The following PCDHA4 variants were observed in gnomAD, a reference collection of about 807,000 sequenced individuals.
PCDHA4 encodes protocadherin alpha 4.
A neutral mutation model predicts 61.4 loss-of-function variants in PCDHA4; 49 were observed. The observed-to-expected ratio is 0.80, with a 90% CI of 0.63 to 1.01. The LOEUF (loss-of-function observed/expected upper bound fraction) is 1.01, where lower values mean the gene tolerates loss of function less well. Among genes scored for constraint, PCDHA4 ranks in the 50% least tolerant of loss-of-function variants. PCDHA4 has a pLI of 0.00. For missense variants in PCDHA4, 1,254 were observed against 1,235.8 expected (o/e 1.01, Z -0.22); for synonymous variants, 590 against 550.3 (o/e 1.07, Z -1.01).
Position 140,855,272 on chromosome 5 carries a change from A to G in PCDHA4, c.2385+45700A>G, listed in dbSNP as rs527268244. Among the ~76,000 whole-genome samples the G allele has an allele frequency of 6.0e-5, 9 of 149,830 alleles. 1 individual carries two copies. In the South Asian group the frequency reaches 1.7e-3, roughly 28 times the overall value. ...CACTTACTATATTATAATTCACTCA[A>G]CCACCGTATTACTATTAGGCCAAAG... On this transcript the variant is annotated intron_variant, in intron 1 of 3. Transcript: ENST00000530339.
intron 1 of PCDHA4, chr5:140,929,499 C>T: frequency 1.0e-6 from 1 of 980,264 alleles, no homozygotes; most frequent in Non-Finnish European, 1.4e-6. Context: ...GAAGATTGCC[C>T]TAGGCCTCAA....
At chr5:140,993,830 A>G (rs536970854) in intron 3 of PCDHA4, among the ~76,000 whole-genome samples, 44 of 152,326 alleles carry the variant, frequency 2.9e-4, no homozygotes, top group Non-Finnish European at 5.0e-4. Context: ...GCTATACCAT[A>G]TAGCCTAGGT....
chr5:140,879,123 G>C (rs895703047), intron 1 of PCDHA4, among the ~76,000 whole-genome samples: 18 of 152,310 alleles, frequency 1.2e-4, no homozygotes, highest in South Asian at 4.1e-4. Context: ...AAGGATTAGA[G>C]CAGGGGAGAT....
At position 140,877,378 on chromosome 5, in the gene PCDHA4, A is replaced by G; in HGVS notation, c.2385+67806A>G. 2 of 1,613,974 alleles carry G rather than the reference A, an allele frequency of 1.2e-6. No individual in the cohort carries two copies. Among genetic ancestry groups the G allele is most frequent in the South Asian group, 1.1e-5 (1 of 91,086 alleles). On this transcript the variant is annotated intron_variant, in intron 1 of 3. Transcript: ENST00000530339. ...CACTGGCGAGATCAGCACGACACGC[A>G]TCCTGGATGAGGCGGACGCTCCGCG...
intron 1 of PCDHA4, among the ~76,000 whole-genome samples, chr5:140,895,039 C>T (rs1274502441): frequency 6.6e-6 from 1 of 152,060 alleles, no homozygotes. Context: ...GTCCCCCACC[C>T]ACACCATTCT....
chr5:140,849,954 A>G, intron 1 of PCDHA4: 1 of 1,597,790 alleles, frequency 6.3e-7, no homozygotes, highest in Non-Finnish European at 8.6e-7. Context: ...CGCGCAGGAG[A>G]ACGCCCTGGT....
intron 1 of PCDHA4, chr5:140,853,994 C>A (rs1157670229): frequency 4.2e-6 from 2 of 477,726 alleles, no homozygotes; most frequent in Non-Finnish European, 5.6e-6. Context: ...TGAGACTCAT[C>A]TCTGCCAAAA....
chr5:140,857,161 C>G (rs782653443), intron 1 of PCDHA4: 1 of 1,598,332 alleles, frequency 6.3e-7, no homozygotes, highest in Non-Finnish European at 8.6e-7. Flanking sequence ...TTGCCCTAAT[C>G]AGCGTTTCTG....
rs2150167979 is a variant in PCDHA4 at position 140,829,443 on chromosome 5, A to G, written c.2385+19871A>G. On this transcript the variant is annotated intron_variant, in intron 1 of 3. Coordinates refer to ENST00000530339, the MANE Select transcript of PCDHA4 (RefSeq NM_018907.4). Reference sequence around the variant, plus strand: ...GTGGAGGTGGCCGACATGAATGACAATGCTCCGGCGTTCGCGCAGCCCGAG... The same window carrying G: ...GTGGAGGTGGCCGACATGAATGACAGTGCTCCGGCGTTCGCGCAGCCCGAG... 6 of 1,613,850 alleles carry G rather than the reference A, an allele frequency of 3.7e-6. No homozygotes were observed. Among genetic ancestry groups the G allele is most frequent in the Non-Finnish European group, 5.1e-6 (6 of 1,180,044 alleles).
intron 1 of PCDHA4, chr5:140,852,134 G>A: frequency 3.4e-6 from 3 of 887,872 alleles, no homozygotes; most frequent in Non-Finnish European, 4.1e-6. Flanking sequence ...AAACTCAGTA[G>A]AGAAAGATCA....
At chr5:140,839,836 C>A (rs1318845846) in intron 1 of PCDHA4, among the ~76,000 whole-genome samples, 1 of 151,888 alleles carries the variant, frequency 6.6e-6, no homozygotes, top group African/African-American at 2.4e-5. Flanking sequence ...CATGATGAAT[C>A]CATGGAGAAT....
chr5:140,884,057 G>C lies in PCDHA4; in HGVS notation c.2385+74485G>C, dbSNP rs141156800. On this transcript the variant is annotated intron_variant, in intron 1 of 3. Transcript: ENST00000530339. ...CCACGTGGTGGCGAAGGTGCGCGCG[G>C]TGGACGCCGATTCGGGCTACAATGC... 6.2e-6 allele frequency: 10 copies of C among 1,613,422 alleles called. No homozygotes were observed. In the African/African-American group the frequency reaches 1.3e-4, roughly 22 times the overall value.
chr5:140,820,100 C>G (rs2150105826), intron 1 of PCDHA4, among the ~76,000 whole-genome samples: 1 of 151,902 alleles, frequency 6.6e-6, no homozygotes, highest in South Asian at 2.1e-4. Context: ...TATTTATTAT[C>G]ATTTTCTTAT....
chr5:140,899,675 C>T lies in PCDHA4; in HGVS notation c.2386-79274C>T, dbSNP rs569711192. On this transcript the variant is annotated intron_variant, in intron 1 of 3. Coordinates refer to ENST00000530339, the MANE Select transcript of PCDHA4 (RefSeq NM_018907.4). The stretch of plus-strand genomic sequence containing the variant: ...TTGTGTCTCTGCCCGGCTTTGGTAT[C>T]AGGATGATGCTGGCCTCATAAAATG... Among the ~76,000 whole-genome samples the T allele has an allele frequency of 4.6e-3, 702 of 152,296 alleles. 3 individuals are homozygous for T. The highest frequency in any genetic ancestry group is 0.016 in the African/African-American group (679 of 41,556).
Position 140,858,065 on chromosome 5 carries a change from C to T in PCDHA4, c.2385+48493C>T, listed in dbSNP as rs200661444. 1.2e-3 allele frequency: 1,989 copies of T among 1,597,646 alleles called. 147 individuals carry two copies. Among genetic ancestry groups the T allele is most frequent in the Non-Finnish European group, 1.1e-3 (1,233 of 1,167,558 alleles). Reference sequence around the variant, plus strand: ...GCTTGTGTCGCTTGTGGAGGGCAGCCAGGCACCCAAGGCCTCGTCGCGGGC... The same window carrying T: ...GCTTGTGTCGCTTGTGGAGGGCAGCTAGGCACCCAAGGCCTCGTCGCGGGC... On this transcript the variant is annotated intron_variant, in intron 1 of 3. Transcript: ENST00000530339.
At chr5:140,909,327 G>A (rs2074440684) in intron 1 of PCDHA4, among the ~76,000 whole-genome samples, 1 of 152,216 alleles carries the variant, frequency 6.6e-6, no homozygotes. Context: ...CCAAATCAAT[G>A]GTTGCATACC....
At chr5:140,850,104 G>A (rs2150467227) in intron 1 of PCDHA4, 1 of 1,596,106 alleles carries the variant, frequency 6.3e-7, no homozygotes, top group Non-Finnish European at 8.6e-7. Flanking sequence ...CCAGGTGAGC[G>A]CGCGCGACGC....
At chr5:140,965,033 T>C (rs1563339344) in intron 1 of PCDHA4, among the ~76,000 whole-genome samples, 2 of 152,192 alleles carry the variant, frequency 1.3e-5, no homozygotes, top group African/African-American at 4.8e-5. Flanking sequence ...CCTTTAACTG[T>C]CCGCTCTAGG....
chr5:140,853,994 C>T (rs1157670229), intron 1 of PCDHA4: 36 of 477,606 alleles, frequency 7.5e-5, no homozygotes, highest in Non-Finnish European at 9.6e-5. Flanking sequence ...TGAGACTCAT[C>T]TCTGCCAAAA....
Sources: gnomAD v4.1 joint callset for allele counts (sites outside exome capture counted in the v4.1 genomes callset) on GRCh38, gnomAD v4.1.1 for gene constraint, MANE v1.5 for transcripts, NCBI Gene and HGNC (gene_info 2026-07-23, HGNC 2026-07-21) for gene names.